Variants in STX18 observed in about 807,000 individuals in gnomAD.
STX18 encodes syntaxin-18.
In STX18, 40 loss-of-function variants were observed where a neutral mutation model predicts 50.1. The ratio of observed to expected loss-of-function variants is 0.80; its 90% confidence interval spans 0.62 to 1.04. STX18 has a LOEUF of 1.04. Among genes scored for constraint, STX18 ranks in the 50% least tolerant of loss-of-function variants. The probability of loss-of-function intolerance (pLI) is 0.00; values close to 1 mark genes in which losing one functional copy is unlikely to be tolerated. For missense variants in STX18, 410 were observed against 415.8 expected, an observed-to-expected ratio of 0.99 and a Z score of 0.12; for synonymous variants, 158 against 151.8, an observed-to-expected ratio of 1.04 and a Z score of -0.30.
At chr4:4,534,572 T>A (rs1731247104) in intron 1 of STX18, among the ~76,000 whole-genome samples, 1 of 152,260 alleles carries the variant, frequency 6.6e-6, no homozygotes, top group South Asian at 2.1e-4. Context: ...AACAGCATCC[T>A]GCTTAGCTCT....
In STX18 at chr4:4,541,062, T is replaced by C. The variant is rs542603103; in HGVS notation, c.168+735A>G. On this transcript the variant is annotated intron_variant, in intron 1 of 10. Coordinates refer to ENST00000306200, the MANE Select transcript of STX18 (RefSeq NM_016930.4). ...AACAAGACAAACAGCTCTCCCCTTATGGAGTTTTCTGTTTAATGGGAAAGA... is the reference window on the plus strand; with the variant it reads ...AACAAGACAAACAGCTCTCCCCTTACGGAGTTTTCTGTTTAATGGGAAAGA... Among the ~76,000 whole-genome samples the C allele has an allele frequency of 5.3e-5, 8 of 152,344 alleles. No homozygotes were observed. In the South Asian group the frequency reaches 1.7e-3, roughly 32 times the overall value.
intron 2 of STX18, among the ~76,000 whole-genome samples, chr4:4,470,820 G>C (rs190919877): frequency 6.6e-6 from 1 of 152,306 alleles, no homozygotes; most frequent in East Asian, 1.9e-4. Flanking sequence ...GGAAGGCGGT[G>C]TTTGAAATAA....
chr4:4,429,281 T>C (rs1725408409), intron 7 of STX18, among the ~76,000 whole-genome samples: 1 of 152,242 alleles, frequency 6.6e-6, no homozygotes, highest in South Asian at 2.1e-4. Flanking sequence ...CTTTATCCCA[T>C]TTAGAAGTCA....
chr4:4,476,432 G>A (rs1728178110), intron 1 of STX18, among the ~76,000 whole-genome samples: 1 of 152,208 alleles, frequency 6.6e-6, no homozygotes, highest in Admixed American at 6.5e-5. Flanking sequence ...CAAAGCTCAA[G>A]ACTGACTGAG....
At chr4:4,458,780 CA>C (rs35679293) in intron 3 of STX18, among the ~76,000 whole-genome samples, 52,292 of 151,832 alleles carry the variant, frequency 0.34, 12,400 homozygotes, top group African/African-American at 0.68. Flanking sequence ...ATTTCATAGA[CA>C]AAAAAACAAG....
In STX18 at chr4:4,541,825, C is replaced by T; in HGVS notation, c.140G>A (p.Gly47Asp). Residue 47 changes from glycine (G) to aspartate (D), a missense_variant, in exon 1 of 11, where the codon GGC becomes GAC. Transcript: ENST00000306200. ...ELFRRSPRPK[G>D]DFSSRAREVI... ...TTCGCGGGCCCGGCTGGAGAAGTCG[C>T]CCTTGGGCCGGGGGCTCCGGCGGAA... 1 of 1,611,040 alleles carries T rather than the reference C, an allele frequency of 6.2e-7. No individual in the cohort carries two copies. Among genetic ancestry groups the T allele is most frequent in the Admixed American group, 1.7e-5 (1 of 59,840 alleles).
chr4:4,432,299 G>A (rs972054952), intron 7 of STX18, among the ~76,000 whole-genome samples: 1 of 152,216 alleles, frequency 6.6e-6, no homozygotes, highest in African/African-American at 2.4e-5. Context: ...AAACTGAATT[G>A]TATATGAAAG....
At chr4:4,527,817 T>C (rs927635385) in intron 1 of STX18, among the ~76,000 whole-genome samples, 4 of 147,390 alleles carry the variant, frequency 2.7e-5, no homozygotes, top group Non-Finnish European at 4.5e-5. Flanking sequence ...TTTATATATA[T>C]ATAATTTTAT....
rs1389108625 is a variant in STX18, at chr4:4,541,818, G to T, written c.147C>A (p.Phe49Leu). 6.2e-7 allele frequency: 1 copy of T among 1,610,430 alleles called. No individual in the cohort carries two copies. The highest frequency in any genetic ancestry group is 2.2e-5 in the East Asian group (1 of 44,746). The change falls in exon 1 of 11, where the codon TTC (phenylalanine) becomes TTA (leucine). Residue 49 changes from phenylalanine to leucine, a missense_variant. By Grantham distance (22) the Phe-to-Leu change is conservative. Coordinates refer to ENST00000306200, the MANE Select transcript of STX18 (RefSeq NM_016930.4). The part of the protein sequence containing the change: ...FRRSPRPKGD[F>L]SSRAREVISH... ...TCACCACTTCGCGGGCCCGGCTGGA[G>T]AAGTCGCCCTTGGGCCGGGGGCTCC... is the stretch of plus-strand genomic sequence containing the variant.
At chr4:4,461,439 TA>T (rs947970441) in intron 2 of STX18, among the ~76,000 whole-genome samples, 6 of 151,738 alleles carry the variant, frequency 4.0e-5, no homozygotes, top group African/African-American at 1.5e-4. Context: ...ATGTCATTAT[TA>T]AAAAAAAATT....
intron 1 of STX18, among the ~76,000 whole-genome samples, chr4:4,484,090 C>A (rs1249602805): frequency 6.6e-6 from 1 of 152,144 alleles, no homozygotes; most frequent in East Asian, 1.9e-4. Flanking sequence ...TCTTGATCTC[C>A]TGACCTCGTG....
chr4:4,438,488 T>C lies in STX18; in HGVS notation c.519A>G (p.Pro173=). 1 of 1,613,498 alleles carries C rather than the reference T, an allele frequency of 6.2e-7. No individual in the cohort carries two copies. The highest frequency in any genetic ancestry group is 8.5e-7 in the Non-Finnish European group (1 of 1,179,578). Residue 173 remains proline (P), a synonymous_variant, in exon 6 of 11, where the codon CCA becomes CCG. Coordinates refer to ENST00000306200, the MANE Select transcript of STX18 (RefSeq NM_016930.4). ...ATGTGGATTCTCTTGTCTTTGTATT[T>C]GGTTCTGGTTCCAGCTTAGATCTAA... The part of the protein sequence containing the change: ...KKRLSKLEPE[P]NTKTRESTSS...
At chr4:4,463,392 A>T in intron 2 of STX18, among the ~76,000 whole-genome samples, 1 of 152,240 alleles carries the variant, frequency 6.6e-6, no homozygotes. Flanking sequence ...TAAAATATGT[A>T]ACTACATTTA....
intron 1 of STX18, among the ~76,000 whole-genome samples, chr4:4,476,897 A>T (rs1050243337): frequency 6.6e-6 from 1 of 152,082 alleles, no homozygotes; most frequent in African/African-American, 2.4e-5. Context: ...CCATAATAAC[A>T]TGTTATTTTA....
intron 1 of STX18, among the ~76,000 whole-genome samples, chr4:4,479,801 ACT>A (rs1191281957): frequency 6.6e-6 from 1 of 152,138 alleles, no homozygotes; most frequent in South Asian, 2.1e-4. Flanking sequence ...GGAAAAAAAG[ACT>A]CTCTTACATT....
At chr4:4,530,773 T>G (rs1306443133) in intron 1 of STX18, among the ~76,000 whole-genome samples, 1 of 151,972 alleles carries the variant, frequency 6.6e-6, no homozygotes, top group East Asian at 1.9e-4. Flanking sequence ...GGCAGGCTAA[T>G]TTTTGTATTT....
intron 1 of STX18, among the ~76,000 whole-genome samples, chr4:4,538,927 A>G (rs1351702403): frequency 6.6e-6 from 1 of 152,222 alleles, no homozygotes; most frequent in Non-Finnish European, 1.5e-5. Flanking sequence ...TAATCTGAAA[A>G]GTCGTTACTC....
At chr4:4,489,571 T>G (rs1166962396) in intron 1 of STX18, among the ~76,000 whole-genome samples, 1 of 151,896 alleles carries the variant, frequency 6.6e-6, no homozygotes, top group Non-Finnish European at 1.5e-5. Context: ...TTTCAAGAGA[T>G]AAGTTACAGA....
At chr4:4,526,155 A>C (rs889710599) in intron 1 of STX18, among the ~76,000 whole-genome samples, 1 of 152,204 alleles carries the variant, frequency 6.6e-6, no homozygotes, top group East Asian at 1.9e-4. Flanking sequence ...TAATGATGAA[A>C]GCAACATCTT....
Sources: gnomAD v4.1 joint callset for allele counts (sites outside exome capture counted in the v4.1 genomes callset) on GRCh38, gnomAD v4.1.1 for gene constraint, MANE v1.5 for transcripts, NCBI Gene and HGNC (gene_info 2026-07-23, HGNC 2026-07-21) for gene names.